Variants in CADM2 observed in about 807,000 individuals in gnomAD.
The protein encoded by CADM2 is immunoglobulin superfamily member 4D.
A neutral mutation model predicts 49.8 loss-of-function variants in CADM2; 12 were observed. The ratio of observed to expected loss-of-function variants is 0.24; its 90% CI spans 0.15 to 0.39. CADM2 has a LOEUF of 0.39. CADM2 is among the 10% of genes least tolerant of loss of function. The probability of loss-of-function intolerance (pLI) is 1.00; values close to 1 mark genes in which losing one functional copy is unlikely to be tolerated. For missense variants in CADM2, 378 were observed against 492.3 expected, an observed-to-expected ratio of 0.77 and a Z score of 2.20; for synonymous variants, 214 against 175.4, an observed-to-expected ratio of 1.22 and a Z score of -1.74.
intron 1 of CADM2, among the ~76,000 whole-genome samples, chr3:85,450,150 A>G (rs563811116): frequency 1.3e-5 from 2 of 152,176 alleles, no homozygotes; most frequent in African/African-American, 2.4e-5. Flanking sequence ...ACTATCAACT[A>G]AAGACGAACC....
intron 2 of CADM2, among the ~76,000 whole-genome samples, chr3:85,745,506 C>T (rs571160867): frequency 2.6e-5 from 4 of 151,846 alleles, no homozygotes; most frequent in Non-Finnish European, 5.9e-5. Flanking sequence ...GAGAGATTAA[C>T]AAGGAAGGAG....
At chr3:85,335,086 C>G (rs2045041605) in intron 1 of CADM2, among the ~76,000 whole-genome samples, 2 of 151,236 alleles carry the variant, frequency 1.3e-5, no homozygotes, top group African/African-American at 4.8e-5. Flanking sequence ...AAATAAAATG[C>G]TACAAACATG....
At chr3:85,322,615 C>A (rs1434118008) in intron 1 of CADM2, among the ~76,000 whole-genome samples, 1 of 152,040 alleles carries the variant, frequency 6.6e-6, no homozygotes, top group Non-Finnish European at 1.5e-5. Flanking sequence ...ATATGCAAAA[C>A]CAATGGAGAA....
At chr3:85,544,122 GAC>G (rs761351608) in intron 1 of CADM2, among the ~76,000 whole-genome samples, 113 of 152,202 alleles carry the variant, frequency 7.4e-4, no homozygotes, top group Middle Eastern at 3.4e-3. Context: ...TGTCAAGTAA[GAC>G]ACAGGCAAAT....
At chr3:85,901,185 A>G (rs1454722661) in intron 5 of CADM2, among the ~76,000 whole-genome samples, 1 of 152,144 alleles carries the variant, frequency 6.6e-6, no homozygotes, top group Non-Finnish European at 1.5e-5. Context: ...CAAGGGCAAA[A>G]CTCCATCTCA....
chr3:85,384,870 T>A (rs2034129280), intron 1 of CADM2, among the ~76,000 whole-genome samples: 1 of 152,110 alleles, frequency 6.6e-6, no homozygotes, highest in Non-Finnish European at 1.5e-5. Flanking sequence ...ATATACCCAA[T>A]TGCATATAAA....
intron 1 of CADM2, among the ~76,000 whole-genome samples, chr3:85,544,582 A>C (rs2061621667): frequency 6.6e-6 from 1 of 152,172 alleles, no homozygotes; most frequent in African/African-American, 2.4e-5. Context: ...GTCTCAAAAA[A>C]TAAAAATAAA....
intron 1 of CADM2, among the ~76,000 whole-genome samples, chr3:85,219,359 A>G (rs1429744966): frequency 6.6e-6 from 1 of 152,206 alleles, no homozygotes; most frequent in African/African-American, 2.4e-5. Context: ...CTCCAAAAAT[A>G]CACTGATCTT....
At chr3:85,509,856 C>A (rs1375559) in intron 1 of CADM2, among the ~76,000 whole-genome samples, 20 of 151,716 alleles carry the variant, frequency 1.3e-4, no homozygotes, top group African/African-American at 4.8e-4. Flanking sequence ...TAAAGTAGCA[C>A]TCCAATAAAT....
chr3:85,361,900 A>T (rs2032388161), intron 1 of CADM2, among the ~76,000 whole-genome samples: 1 of 152,168 alleles, frequency 6.6e-6, no homozygotes, highest in South Asian at 2.1e-4. Context: ...CGACCACATG[A>T]CTTAAGGAAG....
chr3:86,056,801 T>A lies in CADM2; in HGVS notation c.971-8804T>A, dbSNP rs184284622. 2.6e-4 allele frequency among the ~76,000 whole-genome samples: 39 copies of A among 152,294 alleles called. 1 individual carries two copies. The highest frequency in any genetic ancestry group is 9.4e-4 in the African/African-American group (39 of 41,562). On this transcript the variant is annotated intron_variant, in intron 8 of 9. Coordinates refer to ENST00000383699, the MANE Select transcript of CADM2 (RefSeq NM_001167675.2). ...TTATAATTAGTATGGCCCAAAACGT[T>A]GTGAATAGGAAACTTATGTACTCTT...
At chr3:85,257,985 T>C (rs2042927941) in intron 1 of CADM2, among the ~76,000 whole-genome samples, 1 of 152,116 alleles carries the variant, frequency 6.6e-6, no homozygotes, top group African/African-American at 2.4e-5. Flanking sequence ...CTCCTCCCAT[T>C]TCAAAAATAT....
At chr3:85,868,346 CT>C (rs2075797972) in intron 3 of CADM2, among the ~76,000 whole-genome samples, 1 of 151,952 alleles carries the variant, frequency 6.6e-6, no homozygotes, top group Non-Finnish European at 1.5e-5. Context: ...TTTATTTATA[CT>C]TTTGCATTAT....
intron 1 of CADM2, among the ~76,000 whole-genome samples, chr3:85,074,556 T>C (rs944281114): frequency 6.6e-6 from 1 of 152,168 alleles, no homozygotes; most frequent in Non-Finnish European, 1.5e-5. Flanking sequence ...GTTAGAATAG[T>C]TCCTGGCACA....
chr3:86,047,196 C>A (rs559840642), intron 8 of CADM2, among the ~76,000 whole-genome samples: 1 of 152,118 alleles, frequency 6.6e-6, no homozygotes, highest in African/African-American at 2.4e-5. Context: ...GATTAGACTG[C>A]TTCTCACAAA....
chr3:85,218,166 T>A (rs931225035), intron 1 of CADM2, among the ~76,000 whole-genome samples: 10 of 152,102 alleles, frequency 6.6e-5, no homozygotes, highest in East Asian at 3.9e-4. Context: ...TTAAAAAAAA[T>A]TATAAAAGTG....
At chr3:85,721,461 G>A (rs935258978) in intron 1 of CADM2, among the ~76,000 whole-genome samples, 1 of 152,094 alleles carries the variant, frequency 6.6e-6, no homozygotes, top group Non-Finnish European at 1.5e-5. Context: ...TCACACTACT[G>A]GCCTGGGTCT....
chr3:85,853,892 G>T (rs1229601294), intron 3 of CADM2, among the ~76,000 whole-genome samples: 1 of 152,074 alleles, frequency 6.6e-6, no homozygotes, highest in African/African-American at 2.4e-5. Flanking sequence ...ACTTTTTCAT[G>T]AGCTAACCTA....
chr3:85,200,981 ATAAT>A (rs2041484279), intron 1 of CADM2, among the ~76,000 whole-genome samples: 4 of 152,182 alleles, frequency 2.6e-5, no homozygotes, highest in Admixed American at 2.6e-4. Context: ...TTACATGTGC[ATAAT>A]TAAATAGACC....
Sources: gnomAD v4.1 joint callset for allele counts (sites outside exome capture counted in the v4.1 genomes callset) on GRCh38, gnomAD v4.1.1 for gene constraint, MANE v1.5 for transcripts, NCBI Gene and HGNC (gene_info 2026-07-23, HGNC 2026-07-21) for gene names.